The following DACH1 variants were observed in gnomAD, a reference collection of about 807,000 sequenced individuals.
DACH1 encodes the protein dachshund homolog 1.
In DACH1, 12 loss-of-function variants were observed where a neutral mutation model predicts 54.2. The ratio of observed to expected loss-of-function variants is 0.22; its 90% CI spans 0.14 to 0.36. DACH1 has a LOEUF of 0.36. Ranked by LOEUF, DACH1 falls within the 10% of genes least tolerant of loss-of-function variation. The probability of loss-of-function intolerance (pLI) is 1.00; values close to 1 mark genes in which losing one functional copy is unlikely to be tolerated. For missense variants in DACH1, 805 were observed against 929.8 expected, an observed-to-expected ratio of 0.87 and a Z score of 1.75; for synonymous variants, 386 against 366.2, an observed-to-expected ratio of 1.05 and a Z score of -0.62.
At chr13:71,802,807 A>G (rs559796529) in intron 1 of DACH1, among the ~76,000 whole-genome samples, 3 of 152,134 alleles carry the variant, frequency 2.0e-5, no homozygotes, top group African/African-American at 7.2e-5. Flanking sequence ...GATTATAGAT[A>G]TGCTAAAAGT....
chr13:71,457,053 C>T (rs1444393739), intron 10 of DACH1, among the ~76,000 whole-genome samples: 1 of 151,976 alleles, frequency 6.6e-6, no homozygotes, highest in Admixed American at 6.6e-5. Flanking sequence ...ATTACATGAG[C>T]ACGTTTTTCT....
intron 6 of DACH1, among the ~76,000 whole-genome samples, chr13:71,511,300 T>C (rs1566307056): frequency 6.6e-6 from 1 of 151,892 alleles, no homozygotes. Context: ...AGAAAAAAAT[T>C]TGTGGGAATT....
At chr13:71,567,331 A>C (rs1884950837) in intron 4 of DACH1, among the ~76,000 whole-genome samples, 2 of 152,114 alleles carry the variant, frequency 1.3e-5, no homozygotes, top group African/African-American at 4.8e-5. Flanking sequence ...TCTGAAAAAA[A>C]TCTTAAAATG....
chr13:71,786,302 T>C (rs1886588978), intron 1 of DACH1, among the ~76,000 whole-genome samples: 1 of 152,202 alleles, frequency 6.6e-6, no homozygotes, highest in South Asian at 2.1e-4. Context: ...ATAGCTTCTA[T>C]ATTTAAGACA....
chr13:71,630,546 T>A lies in DACH1; in HGVS notation c.1126+10A>T. 1 of 1,577,772 alleles carries A rather than the reference T, an allele frequency of 6.3e-7. No homozygotes were observed. Among genetic ancestry groups the A allele is most frequent in the Non-Finnish European group, 8.6e-7 (1 of 1,166,882 alleles). ...TGATCACAATAAGTTTCAGCGAACATAAAACTTACCGACACTTGAATTCAT... is the reference window on the plus strand; with the variant it reads ...TGATCACAATAAGTTTCAGCGAACAAAAAACTTACCGACACTTGAATTCAT... On this transcript the variant is annotated intron_variant, in intron 3 of 10. Coordinates refer to ENST00000613252, the MANE Select transcript of DACH1 (RefSeq NM_080759.6).
chr13:71,779,104 TATATATACATATATACAC>T (rs1251723637), intron 1 of DACH1, among the ~76,000 whole-genome samples: 10 of 130,560 alleles, frequency 7.7e-5, no homozygotes, highest in Non-Finnish European at 1.3e-4. Flanking sequence ...GCTGAATATA[TATATATACATATATACAC>T]ATATATACAT....
intron 6 of DACH1, among the ~76,000 whole-genome samples, chr13:71,529,784 G>A (rs949009515): frequency 2.0e-5 from 3 of 152,118 alleles, no homozygotes; most frequent in African/African-American, 2.4e-5. Flanking sequence ...CATGTTGTTT[G>A]TGAATATTTT....
chr13:71,752,811 T>C (rs775305540), intron 1 of DACH1, among the ~76,000 whole-genome samples: 6 of 152,162 alleles, frequency 3.9e-5, no homozygotes, highest in Non-Finnish European at 8.8e-5. Flanking sequence ...TTAACTGATA[T>C]TTTAGTGTGT....
intron 6 of DACH1, among the ~76,000 whole-genome samples, chr13:71,497,961 GA>G (rs1879587185): frequency 6.6e-6 from 1 of 151,420 alleles, no homozygotes; most frequent in African/African-American, 2.4e-5. Flanking sequence ...AATAGACTGT[GA>G]ATAACATAAA....
intron 1 of DACH1, among the ~76,000 whole-genome samples, chr13:71,691,091 T>G (rs1881454871): frequency 6.6e-6 from 1 of 152,230 alleles, no homozygotes; most frequent in African/African-American, 2.4e-5. Flanking sequence ...CATTTGGTCT[T>G]TCATTTCAAT....
intron 1 of DACH1, among the ~76,000 whole-genome samples, chr13:71,754,707 T>C (rs1486386539): frequency 6.6e-6 from 1 of 150,944 alleles, no homozygotes; most frequent in South Asian, 2.1e-4. Context: ...TAAAGATAAA[T>C]GTAGGCCAAA....
At chr13:71,484,921 A>G (rs1036457624) in intron 7 of DACH1, among the ~76,000 whole-genome samples, 1 of 152,040 alleles carries the variant, frequency 6.6e-6, no homozygotes. Context: ...AAAAATTGCC[A>G]GGTTTGGTGG....
intron 2 of DACH1, among the ~76,000 whole-genome samples, chr13:71,680,564 AC>A (rs1233844400): frequency 8.5e-5 from 13 of 152,224 alleles, no homozygotes; most frequent in Non-Finnish European, 1.5e-4. Context: ...CGACTGAGCG[AC>A]TGCATTACAG....
At position 71,440,045 on chromosome 13, in the gene DACH1, T is replaced by C. The variant is rs1873874797; in HGVS notation, c.*610A>G. 1 of 152,132 alleles carries C rather than the reference T, an allele frequency of 6.6e-6. No individual in the cohort carries two copies. The highest frequency in any genetic ancestry group is 1.9e-4 in the East Asian group (1 of 5,202). 9.4% of individuals were successfully genotyped at this position (152,132 alleles called of 1,614,324 possible). A position where few individuals can be genotyped will look rare whatever the true frequency, so the allele number is the denominator to read the frequency against. Reference sequence around the variant, plus strand: ...TGCAAAATGTTATTTCATTGGGTTGTTGTCAACATCCATTTGTTGGTCTTT... The same window carrying C: ...TGCAAAATGTTATTTCATTGGGTTGCTGTCAACATCCATTTGTTGGTCTTT... On this transcript the variant is annotated 3_prime_UTR_variant, in exon 11 of 11. Coordinates refer to ENST00000613252, the MANE Select transcript of DACH1 (RefSeq NM_080759.6).
intron 4 of DACH1, among the ~76,000 whole-genome samples, chr13:71,564,885 G>T (rs1431429632): frequency 2.0e-5 from 3 of 151,934 alleles, no homozygotes; most frequent in Non-Finnish European, 4.4e-5. Flanking sequence ...ACAGGATATA[G>T]AAGTGGGAAA....
chr13:71,695,011 C>T (rs1344896372), intron 1 of DACH1, among the ~76,000 whole-genome samples: 1 of 151,962 alleles, frequency 6.6e-6, no homozygotes, highest in Non-Finnish European at 1.5e-5. Flanking sequence ...TATAAGTTTT[C>T]TTATTATTTC....
intron 1 of DACH1, among the ~76,000 whole-genome samples, chr13:71,790,444 C>T (rs954399947): frequency 6.6e-6 from 1 of 152,094 alleles, no homozygotes; most frequent in Non-Finnish European, 1.5e-5. Context: ...CTTTTGATGA[C>T]TTGACTTAGA....
At chr13:71,809,047 T>A (rs565960806) in intron 1 of DACH1, among the ~76,000 whole-genome samples, 97 of 152,226 alleles carry the variant, frequency 6.4e-4, no homozygotes, top group Non-Finnish European at 6.3e-4. Context: ...TTTAAGCGTT[T>A]CAATAGGGGA....
chr13:71,585,976 A>G lies in DACH1; in HGVS notation c.1127-12964T>C, dbSNP rs989237265. Among the ~76,000 whole-genome samples, 3 of 152,196 alleles carry G rather than the reference A, an allele frequency of 2.0e-5. No individual in the cohort carries two copies. In the East Asian group the frequency reaches 5.8e-4, roughly 29 times the overall value. ...ATGACTGAAGAACAAATTGGCTTTC[A>G]GAGCCAGCCATGACAAAACAATTAT... On this transcript the variant is annotated intron_variant, in intron 3 of 10. Transcript: ENST00000613252.
Sources: allele counts gnomAD v4.1 joint callset (sites outside exome capture counted in the v4.1 genomes callset), GRCh38; gene constraint gnomAD v4.1.1; transcripts MANE v1.5; gene names NCBI Gene and HGNC (gene_info 2026-07-23, HGNC 2026-07-21).